Variants in GNAO1 observed in about 807,000 individuals in gnomAD.
GNAO1 encodes guanine nucleotide-binding protein G(o) subunit alpha.
For missense variants in GNAO1, 166 were observed against 478.7 expected, an observed-to-expected ratio of 0.35 and a Z score of 6.10; for synonymous variants, 164 against 180.7, an observed-to-expected ratio of 0.91 and a Z score of 0.74.
chr16:56,289,590 A>G (rs1183323381), intron 3 of GNAO1, among the ~76,000 whole-genome samples: 1 of 152,218 alleles, frequency 6.6e-6, no homozygotes, highest in East Asian at 1.9e-4. Context: ...TAGTCTGATC[A>G]GTCCAAAAGG....
At chr16:56,312,426 C>T (rs1296214740) in intron 3 of GNAO1, among the ~76,000 whole-genome samples, 1 of 152,214 alleles carries the variant, frequency 6.6e-6, no homozygotes, top group African/African-American at 2.4e-5. Flanking sequence ...CCCCTGAGTG[C>T]ATGTGTGGGT....
rs544789664 is a variant in GNAO1, at chr16:56,341,465, G to A, written c.723+4605G>A. 2.0e-5 allele frequency among the ~76,000 whole-genome samples: 3 copies of A among 152,370 alleles called. No individual in the cohort carries two copies. In the South Asian group the frequency reaches 6.2e-4, roughly 32 times the overall value. On this transcript the variant is annotated intron_variant, in intron 6 of 8. Transcript: ENST00000262493. ...TGATTGCCCTCGCCTCCCTCACCAG[G>A]TGCTATGAAGAGGGAATGAGCTGAT...
chr16:56,318,311 G>A (rs1254338615), intron 3 of GNAO1, among the ~76,000 whole-genome samples: 1 of 152,242 alleles, frequency 6.6e-6, no homozygotes, highest in Admixed American at 6.5e-5. Context: ...TCGCCAGCTG[G>A]AATTGTAGTG....
intron 2 of GNAO1, among the ~76,000 whole-genome samples, chr16:56,256,040 TGTGCACTGTTC>T (rs1328523143): frequency 6.6e-6 from 1 of 152,200 alleles, no homozygotes; most frequent in African/African-American, 2.4e-5. Flanking sequence ...TCACTGGGCT[TGTGCACTGTTC>T]GTTCTGACAG....
At chr16:56,212,304 A>G (rs2036396466) in intron 2 of GNAO1, among the ~76,000 whole-genome samples, 1 of 152,142 alleles carries the variant, frequency 6.6e-6, no homozygotes, top group African/African-American at 2.4e-5. Context: ...GTCCTTTTTT[A>G]TTATTGCTTC....
At chr16:56,300,404 G>T (rs1044535759) in intron 3 of GNAO1, among the ~76,000 whole-genome samples, 1 of 152,178 alleles carries the variant, frequency 6.6e-6, no homozygotes. Context: ...AGCTCACCAC[G>T]GCCAACTGTG....
At chr16:56,193,769 C>T (rs1425260084) in intron 2 of GNAO1, 1 of 288,384 alleles carries the variant, frequency 3.5e-6, no homozygotes, top group African/African-American at 2.2e-5. Flanking sequence ...CCCTCCGGGC[C>T]TCCTGTTTCG....
chr16:56,194,266 G>A (rs1241491327), intron 2 of GNAO1: 2 of 456,616 alleles, frequency 4.4e-6, no homozygotes, highest in Non-Finnish European at 4.4e-6. Flanking sequence ...AACCCAAATT[G>A]ATGGGGAGGC....
At chr16:56,309,842 T>C (rs2037436903) in intron 3 of GNAO1, among the ~76,000 whole-genome samples, 1 of 152,234 alleles carries the variant, frequency 6.6e-6, no homozygotes, top group South Asian at 2.1e-4. Flanking sequence ...AGAAAGGACA[T>C]CAGTTTTAGC....
chr16:56,240,847 G>C (rs1166228004), intron 2 of GNAO1, among the ~76,000 whole-genome samples: 1 of 152,146 alleles, frequency 6.6e-6, no homozygotes, highest in East Asian at 1.9e-4. Context: ...ACTAGAACAG[G>C]ATGAGACTCT....
intron 3 of GNAO1, among the ~76,000 whole-genome samples, chr16:56,301,387 G>C (rs1257576692): frequency 6.6e-6 from 1 of 152,182 alleles, no homozygotes; most frequent in Non-Finnish European, 1.5e-5. Flanking sequence ...CACAGACTTC[G>C]GGGGTCAGAA....
chr16:56,291,601 C>T (rs2037233018), intron 3 of GNAO1, among the ~76,000 whole-genome samples: 1 of 152,210 alleles, frequency 6.6e-6, no homozygotes, highest in Non-Finnish European at 1.5e-5. Flanking sequence ...TCATTCTGCC[C>T]TTGCCTCTGC....
At chr16:56,195,591 C>G (rs2036225466) in intron 2 of GNAO1, among the ~76,000 whole-genome samples, 1 of 152,194 alleles carries the variant, frequency 6.6e-6, no homozygotes, top group African/African-American at 2.4e-5. Flanking sequence ...CAATTGGTGA[C>G]CAACCTATCA....
chr16:56,321,614 A>G (rs1313896927), intron 3 of GNAO1, among the ~76,000 whole-genome samples: 1 of 152,194 alleles, frequency 6.6e-6, no homozygotes, highest in Non-Finnish European at 1.5e-5. Context: ...CTCAACGCAG[A>G]CCACTCAGAC....
chr16:56,223,767 C>T (rs150101612), intron 2 of GNAO1, among the ~76,000 whole-genome samples: 1,552 of 152,292 alleles, frequency 0.01, 12 homozygotes, highest in Non-Finnish European at 0.015. Flanking sequence ...ACCTGTTTTA[C>T]GGTTGAGGAC....
At chr16:56,308,670 G>A (rs1781386593) in intron 3 of GNAO1, among the ~76,000 whole-genome samples, 1 of 152,188 alleles carries the variant, frequency 6.6e-6, no homozygotes, top group Non-Finnish European at 1.5e-5. Context: ...GCACCTAAAT[G>A]TTGGGTGGAG....
At chr16:56,236,198 T>G (rs1379698389) in intron 2 of GNAO1, among the ~76,000 whole-genome samples, 1 of 152,196 alleles carries the variant, frequency 6.6e-6, no homozygotes, top group Non-Finnish European at 1.5e-5. Flanking sequence ...GGAGAAGAAG[T>G]GAGTGGTGTG....
At chr16:56,209,160 G>A (rs1490454322) in intron 2 of GNAO1, among the ~76,000 whole-genome samples, 1 of 152,150 alleles carries the variant, frequency 6.6e-6, no homozygotes, top group African/African-American at 2.4e-5. Flanking sequence ...TTTACTTGTA[G>A]TTGATTCTTG....
At chr16:56,312,189 G>A (rs899492094) in intron 3 of GNAO1, among the ~76,000 whole-genome samples, 5 of 152,234 alleles carry the variant, frequency 3.3e-5, no homozygotes, top group African/African-American at 1.2e-4. Flanking sequence ...CGGGGCTGGC[G>A]ATGTGGGCTC....
Sources: gnomAD v4.1 joint callset for allele counts (sites outside exome capture counted in the v4.1 genomes callset) on GRCh38, gnomAD v4.1.1 for gene constraint, MANE v1.5 for transcripts, NCBI Gene and HGNC (gene_info 2026-07-23, HGNC 2026-07-21) for gene names.